The following GLG1 variants were observed in gnomAD, a reference collection of about 807,000 sequenced individuals.
GLG1 encodes Golgi apparatus protein 1.
Under a neutral mutation model 160.5 loss-of-function variants are expected in GLG1, and 38 were observed. That is an observed-to-expected ratio of 0.24 (90% CI 0.18 to 0.31). The LOEUF (loss-of-function observed/expected upper bound fraction) is 0.31. GLG1 is among the 10% of genes least tolerant of loss of function. The pLI is 1.00. For synonymous variants in GLG1, 644 were observed against 543.4 expected, an observed-to-expected ratio of 1.19 and a Z score of -2.57; for missense variants, 1,373 against 1,505.2, an observed-to-expected ratio of 0.91 and a Z score of 1.45.
intron 11 of GLG1, among the ~76,000 whole-genome samples, chr16:74,479,557 A>AT (rs2015524896): frequency 6.6e-6 from 1 of 151,998 alleles, no homozygotes; most frequent in African/African-American, 2.4e-5. Context: ...CTCATTCTGG[A>AT]TTTGAGATAG....
intron 2 of GLG1, among the ~76,000 whole-genome samples, chr16:74,528,133 C>T (rs2017400325): frequency 6.6e-6 from 1 of 151,966 alleles, no homozygotes; most frequent in African/African-American, 2.4e-5. Flanking sequence ...GATCTGCCTG[C>T]TGGGTTTACA....
At chr16:74,496,676 C>G in intron 4 of GLG1, 32 bp from the exon 5 acceptor site, 1 of 1,341,590 alleles carries the variant, frequency 7.5e-7, no homozygotes, top group Non-Finnish European at 1.1e-6. Flanking sequence ...TATTTTAAAA[C>G]TTTTATCACA....
intron 1 of GLG1, among the ~76,000 whole-genome samples, chr16:74,592,230 C>T (rs1039662926): frequency 2.0e-5 from 3 of 152,188 alleles, no homozygotes; most frequent in Non-Finnish European, 4.4e-5. Flanking sequence ...GCAAACTCCA[C>T]CTCCTGGGTT....
At chr16:74,560,728 C>T (rs970052357) in intron 1 of GLG1, among the ~76,000 whole-genome samples, 2 of 151,634 alleles carry the variant, frequency 1.3e-5, no homozygotes, top group Admixed American at 6.6e-5. Context: ...AGGCCTGTAA[C>T]CCCAGCTACT....
intron 1 of GLG1, among the ~76,000 whole-genome samples, chr16:74,554,831 A>C (rs1053956931): frequency 3.3e-5 from 5 of 152,114 alleles, no homozygotes; most frequent in African/African-American, 9.7e-5. Flanking sequence ...CAGATGCCCA[A>C]ATAAAGATCA....
chr16:74,488,478 C>T (rs2015869775), intron 8 of GLG1, among the ~76,000 whole-genome samples: 1 of 152,152 alleles, frequency 6.6e-6, no homozygotes, highest in Admixed American at 6.5e-5. Flanking sequence ...TGTAGTAGAA[C>T]ACTAAGGACA....
chr16:74,600,517 AG>A (rs1157317888), intron 1 of GLG1, among the ~76,000 whole-genome samples: 3 of 152,082 alleles, frequency 2.0e-5, no homozygotes, highest in Non-Finnish European at 2.9e-5. Flanking sequence ...AGATCACTTG[AG>A]GTCAGAGGTT....
At chr16:74,511,046 A>G (rs752084367) in intron 2 of GLG1, among the ~76,000 whole-genome samples, 4 of 152,152 alleles carry the variant, frequency 2.6e-5, no homozygotes, top group African/African-American at 7.2e-5. Flanking sequence ...CAGAAGTCCA[A>G]TGGAGGACTG....
At chr16:74,519,047 G>A (rs1489089276) in intron 2 of GLG1, among the ~76,000 whole-genome samples, 1 of 152,092 alleles carries the variant, frequency 6.6e-6, no homozygotes, top group East Asian at 1.9e-4. Flanking sequence ...TATATTTATT[G>A]TGGCACTATT....
At chr16:74,603,138 G>T (rs1196792084) in intron 1 of GLG1, among the ~76,000 whole-genome samples, 1 of 151,684 alleles carries the variant, frequency 6.6e-6, no homozygotes, top group African/African-American at 2.4e-5. Context: ...GCAGCCAGGC[G>T]CAATAGCTCA....
chr16:74,552,847 A>G (rs1037114416), intron 1 of GLG1: 1 of 152,328 alleles, frequency 6.6e-6, no homozygotes, highest in Non-Finnish European at 1.5e-5. Context: ...TTGATTCTGA[A>G]TGTCTTCCCT....
chr16:74,564,622 G>A (rs1956202659), intron 1 of GLG1, among the ~76,000 whole-genome samples: 1 of 152,162 alleles, frequency 6.6e-6, no homozygotes, highest in South Asian at 2.1e-4. Flanking sequence ...TAACTGAGTA[G>A]CACTAAAGCC....
chr16:74,574,919 A>G, intron 1 of GLG1, among the ~76,000 whole-genome samples: 1 of 123,190 alleles, frequency 8.1e-6, no homozygotes, highest in South Asian at 3.1e-4. Flanking sequence ...AAAAAGACAG[A>G]GAGAGAGAGA....
At chr16:74,456,570 C>T (rs981073089) in intron 25 of GLG1, 79 bp downstream of exon 25, 7 of 878,854 alleles carry the variant, frequency 8.0e-6, no homozygotes, top group Non-Finnish European at 1.3e-5. Flanking sequence ...ATGGCCTTTG[C>T]TCAAGGATGA....
intron 1 of GLG1, among the ~76,000 whole-genome samples, chr16:74,585,422 A>G (rs1958026052): frequency 6.6e-6 from 1 of 152,068 alleles, no homozygotes. Flanking sequence ...AAAACAAAAA[A>G]GAGGCCGGGC....
At chr16:74,552,779 T>A (rs562195478) in intron 1 of GLG1, 68 of 94,768 alleles carry the variant, frequency 7.2e-4, no homozygotes, top group Middle Eastern at 4.5e-3. Context: ...TTGAATAAAC[T>A]TATAGACAGA....
rs2014140081 is a variant in GLG1, at chr16:74,448,151, A to T, written c.*5016T>A. On this transcript the variant is annotated 3_prime_UTR_variant, in exon 26 of 26. Coordinates refer to ENST00000422840, the MANE Select transcript of GLG1 (RefSeq NM_001145667.2). ...CTTTGGGGAGCTCTTCACCCTAAAGATTCGGTCTGGTTTGCTAATGACTTA... is the reference window on the plus strand; with the variant it reads ...CTTTGGGGAGCTCTTCACCCTAAAGTTTCGGTCTGGTTTGCTAATGACTTA... 1 of 152,240 alleles carries T rather than the reference A, an allele frequency of 6.6e-6. No homozygotes were observed. Among genetic ancestry groups the T allele is most frequent in the Non-Finnish European group, 1.5e-5 (1 of 68,064 alleles). The allele number at this position is 152,240 out of a possible 1,614,324, so 9.4% of individuals were successfully genotyped here. A position where few individuals can be genotyped will look rare whatever the true frequency, so the allele number is the denominator to read the frequency against.
chr16:74,593,265 T>C (rs1005326752), intron 1 of GLG1, among the ~76,000 whole-genome samples: 1 of 152,126 alleles, frequency 6.6e-6, no homozygotes, highest in African/African-American at 2.4e-5. Context: ...TGATTAAAAT[T>C]CTCCATTACA....
At chr16:74,483,889 G>A (rs1241504161) in intron 9 of GLG1, among the ~76,000 whole-genome samples, 1 of 152,020 alleles carries the variant, frequency 6.6e-6, no homozygotes, top group Non-Finnish European at 1.5e-5. Context: ...TCGATCTCCT[G>A]ACCTCGTGAT....
Sources: gnomAD v4.1 joint callset for allele counts (sites outside exome capture counted in the v4.1 genomes callset) on GRCh38, gnomAD v4.1.1 for gene constraint, MANE v1.5 for transcripts, NCBI Gene and HGNC (gene_info 2026-07-23, HGNC 2026-07-21) for gene names.